Variants in DNAH2 observed in about 807,000 individuals in gnomAD.
The protein encoded by DNAH2 is axonemal beta dynein heavy chain 2.
A neutral mutation model predicts 523.5 loss-of-function variants in DNAH2; 323 were observed. That is an observed-to-expected ratio of 0.62 (90% CI 0.56 to 0.68). The LOEUF is 0.68. DNAH2 is among the 30% of genes least tolerant of loss of function. DNAH2 has a pLI of 0.00. For synonymous variants in DNAH2, 2,093 were observed against 2,177.4 expected (o/e 0.96, Z 1.08); for missense variants, 4,907 against 5,701.5 (o/e 0.86, Z 4.49).
intron 20 of DNAH2, 29 bp downstream of exon 20, chr17:7,764,302 G>A (rs2076091456): frequency 6.4e-7 from 1 of 1,572,562 alleles, no homozygotes; most frequent in African/African-American, 1.3e-5. Context: ...TGGTTTACCT[G>A]GGACCCGTAT....
chr17:7,819,810 G>A (rs1338473055), intron 72 of DNAH2, among the ~76,000 whole-genome samples: 1 of 152,140 alleles, frequency 6.6e-6, no homozygotes, highest in African/African-American at 2.4e-5. Flanking sequence ...TGAGCAGCAA[G>A]GAACTGGACT....
chr17:7,733,698 C>T (rs1245625967), intron 5 of DNAH2, among the ~76,000 whole-genome samples: 5 of 151,954 alleles, frequency 3.3e-5, no homozygotes, highest in Non-Finnish European at 5.9e-5. Context: ...AGGCTGGTCT[C>T]GAACTCCTGA....
At chr17:7,748,072 A>G (rs1177333874) in intron 12 of DNAH2, among the ~76,000 whole-genome samples, 1 of 152,210 alleles carries the variant, frequency 6.6e-6, no homozygotes, top group Non-Finnish European at 1.5e-5. Context: ...TCCAGTCCCT[A>G]ATAGCACTGA....
chr17:7,831,172 A>C lies in DNAH2; in HGVS notation c.12317A>C (p.Asp4106Ala). The C allele has an allele frequency of 1.2e-6, 2 of 1,613,258 alleles. No homozygotes were observed. Among genetic ancestry groups the C allele is most frequent in the Admixed American group, 1.7e-5 (1 of 59,904 alleles). The change falls in exon 80 of 86, where the codon GAC becomes GCC. Residue 4106 changes from aspartate (D) to alanine (A), a missense_variant. Transcript: ENST00000572933. This position sits in a 1 kb window ranked among gnomAD's most constrained non-coding sequence, Gnocchi z 4.2. ...KEYISLLPGM[D>A]PPEAFGQHPN... ...TACATCAGCTTATTGCCTGGCATGGACCCCCCTGAGGCCTTTGGCCAGCAC... is the reference window on the plus strand; with the variant it reads ...TACATCAGCTTATTGCCTGGCATGGCCCCCCCTGAGGCCTTTGGCCAGCAC...
intron 39 of DNAH2, among the ~76,000 whole-genome samples, chr17:7,781,484 C>A (rs1215629885): frequency 6.6e-6 from 1 of 151,822 alleles, no homozygotes; most frequent in Non-Finnish European, 1.5e-5. Flanking sequence ...TCTCAAAAAA[C>A]AAAACAAAAA....
intron 12 of DNAH2, chr17:7,743,657 C>G: frequency 2.9e-6 from 1 of 340,838 alleles, no homozygotes; most frequent in Non-Finnish European, 5.3e-6. Context: ...CAGAGTGACC[C>G]TGCCTCAAAA....
At chr17:7,759,224 C>T (rs2075935412) in intron 15 of DNAH2, 100 bp downstream of exon 15, 1 of 1,527,292 alleles carries the variant, frequency 6.5e-7, no homozygotes, top group African/African-American at 1.4e-5. Flanking sequence ...TCTTTTTTAC[C>T]AGTGTGTACT....
In DNAH2 at chr17:7,736,350, C is replaced by T. The variant is rs148563896; in HGVS notation, c.979-717C>T. Among the ~76,000 whole-genome samples, 38 of 152,200 alleles carry T rather than the reference C, an allele frequency of 2.5e-4. 1 individual carries two copies. The East Asian group carries it at 7.3e-3, about 29-fold the overall frequency. On this transcript the variant is annotated intron_variant, in intron 7 of 85. Coordinates refer to ENST00000572933, the MANE Select transcript of DNAH2 (RefSeq NM_020877.5). The stretch of plus-strand genomic sequence containing the variant: ...AGAACTAACTGGAGGAGCCTAAAGC[C>T]CTGGCTGAGAACAGGGCAGTGAAAG...
chr17:7,735,282 C>T (rs754845647), intron 7 of DNAH2, among the ~76,000 whole-genome samples: 15 of 152,050 alleles, frequency 9.9e-5, no homozygotes, highest in Non-Finnish European at 2.2e-4. Context: ...AGGTGCCCGC[C>T]ACCAAGCCTG....
intron 21 of DNAH2, among the ~76,000 whole-genome samples, chr17:7,765,893 T>C (rs1476675001): frequency 1.3e-5 from 2 of 152,032 alleles, no homozygotes; most frequent in Non-Finnish European, 2.9e-5. Context: ...TTCTCCTGCC[T>C]CAGCCTCCCC....
chr17:7,771,228 CTG>C, intron 27 of DNAH2, 100 bp from the exon 28 acceptor site: 5 of 1,530,716 alleles, frequency 3.3e-6, no homozygotes, highest in Non-Finnish European at 4.5e-6. Flanking sequence ...TTCTAGCACT[CTG>C]TATCTTCTAC....
At position 7,833,578 on chromosome 17, in the gene DNAH2, A is replaced by G. The variant is rs1597808793; in HGVS notation, c.*45A>G. On this transcript the variant is annotated 3_prime_UTR_variant, in exon 86 of 86. Coordinates refer to ENST00000572933, the MANE Select transcript of DNAH2 (RefSeq NM_020877.5). The stretch of plus-strand genomic sequence containing the variant: ...CTTGAGAGAGAGGGTCAGGGACTCC[A>G]GGAGCTAAGACAGATGTTGCACCTA... 5 of 1,607,450 alleles carry G rather than the reference A, an allele frequency of 3.1e-6. No homozygotes were observed. The highest frequency in any genetic ancestry group is 4.2e-6 in the Non-Finnish European group (5 of 1,179,580).
In DNAH2 at chr17:7,819,017, T is replaced by C; in HGVS notation, c.10769T>C (p.Leu3590Pro). Residue 3590 changes from leucine (L) to proline (P), a missense_variant, in exon 71 of 86, where the codon CTG (leucine) becomes CCG (proline). By Grantham distance (98) the Leu-to-Pro change is moderately conservative. Around this residue, in one of 3 missense-constraint regions of DNAH2, gnomAD observed 1,851 missense variants for 2,139.4 expected, o/e 0.87. Coordinates refer to ENST00000572933, the MANE Select transcript of DNAH2 (RefSeq NM_020877.5). ...ACAGCCACAGAGGTGACTGAGCAGC[T>C]GGAGACCAGTGAGACCACAGAGATC... ...KITATEVTEQ[L>P]ETSETTEINT... is the part of the protein sequence containing the mutation. 1 of 1,607,520 alleles carries C rather than the reference T, an allele frequency of 6.2e-7. No homozygotes were observed. Among genetic ancestry groups the C allele is most frequent in the Non-Finnish European group, 8.5e-7 (1 of 1,178,674 alleles).
chr17:7,749,497 C>T lies in DNAH2; in HGVS notation c.1904+6355C>T, dbSNP rs116407238. Among the ~76,000 whole-genome samples, 161 of 151,900 alleles carry T rather than the reference C, an allele frequency of 1.1e-3. 1 individual carries two copies. Among genetic ancestry groups the T allele is most frequent in the African/African-American group, 3.7e-3 (152 of 41,460 alleles). Reference sequence around the variant, plus strand: ...ATCCAGTTTGAAGGACATGATAATACGTTTATGCTACTAGAAATGTTTCTG... The same window carrying T: ...ATCCAGTTTGAAGGACATGATAATATGTTTATGCTACTAGAAATGTTTCTG... On this transcript the variant is annotated intron_variant, in intron 12 of 85. Transcript: ENST00000572933.
In DNAH2 at chr17:7,792,774, G is replaced by A; in HGVS notation, c.7263G>A (p.Gly2421=). ...PILLVGPVGT[G]KTSIAQSVLQ... is the part of the protein sequence containing the mutation. ...TGCTGGTGGGTCCCGTGGGGACTGG[G>A]AAGACCTCCATCGCCCAGAGCGTTC... is the stretch of plus-strand genomic sequence containing the variant. The change falls in exon 47 of 86, where the codon GGG becomes GGA. Residue 2421 remains glycine (G), a synonymous_variant. Coordinates refer to ENST00000572933, the MANE Select transcript of DNAH2 (RefSeq NM_020877.5). The A allele has an allele frequency of 1.2e-6, 2 of 1,614,208 alleles. No individual in the cohort carries two copies. The highest frequency in any genetic ancestry group is 2.2e-5 in the East Asian group (1 of 44,894).
In DNAH2 at chr17:7,781,037, T is replaced by C; in HGVS notation, c.6004-5T>C. The C allele has an allele frequency of 1.2e-6, 2 of 1,614,020 alleles. No individual in the cohort carries two copies. Among genetic ancestry groups the C allele is most frequent in the Non-Finnish European group, 1.7e-6 (2 of 1,180,044 alleles). The stretch of plus-strand genomic sequence containing the variant: ...AAGCCTGAGTCTCTGTCTTTTCCCA[T>C]TCAGGTTCTGCTGCTCTCAATGAGA... On this transcript the variant is annotated splice_region_variant and splice_polypyrimidine_tract_variant and intron_variant, in intron 38 of 85. Coordinates refer to ENST00000572933, the MANE Select transcript of DNAH2 (RefSeq NM_020877.5).
intron 28 of DNAH2, among the ~76,000 whole-genome samples, chr17:7,773,556 A>T (rs1184945430): frequency 6.6e-6 from 1 of 152,120 alleles, no homozygotes; most frequent in East Asian, 1.9e-4. Flanking sequence ...CATCAATCAG[A>T]ACATGTTTCT....
Position 7,787,048 on chromosome 17 carries a change from T to C in DNAH2, c.6603+15T>C. ...TGCCCGAGCAGGTCAGGGACGCGGC[T>C]GACTCCTGGAGGCCTGCAGAGGCAG... On this transcript the variant is annotated intron_variant, in intron 42 of 85. Transcript: ENST00000572933. The C allele has an allele frequency of 1.2e-6, 2 of 1,613,458 alleles. No individual in the cohort carries two copies. Among genetic ancestry groups the C allele is most frequent in the South Asian group, 2.2e-5 (2 of 91,058 alleles).
At chr17:7,820,183 G>A (rs2077815198) in intron 72 of DNAH2, among the ~76,000 whole-genome samples, 1 of 152,104 alleles carries the variant, frequency 6.6e-6, no homozygotes, top group South Asian at 2.1e-4. Flanking sequence ...TTCTGCAACT[G>A]TTCCCTCCCC....
Sources: allele counts gnomAD v4.1 joint callset (sites outside exome capture counted in the v4.1 genomes callset), GRCh38; gene constraint gnomAD v4.1.1; regional missense constraint gnomAD v4.1.1; non-coding constraint Gnocchi (gnomAD v3.1); transcripts MANE v1.5; gene names NCBI Gene and HGNC (gene_info 2026-07-23, HGNC 2026-07-21).